ZFYVE26: variants seen among roughly 807,000 people sequenced by gnomAD.
The protein encoded by ZFYVE26 is zinc finger FYVE domain-containing protein 26.
In ZFYVE26, 181 loss-of-function variants were observed where a neutral mutation model predicts 276.5. That is an observed-to-expected ratio of 0.65 (90% CI 0.58 to 0.74). The LOEUF (loss-of-function observed/expected upper bound fraction) is 0.74, where lower values mean the gene tolerates loss of function less well. Among genes scored for constraint, ZFYVE26 ranks in the 30% least tolerant of loss-of-function variants. ZFYVE26 has a pLI of 0.00. For missense variants in ZFYVE26, 2,821 were observed against 3,097.9 expected, an observed-to-expected ratio of 0.91 and a Z score of 2.12; for synonymous variants, 1,129 against 1,203.1, an observed-to-expected ratio of 0.94 and a Z score of 1.27.
chr14:67,753,002 G>T (rs1197660580), intron 39 of ZFYVE26, among the ~76,000 whole-genome samples: 1 of 152,140 alleles, frequency 6.6e-6, no homozygotes, highest in Non-Finnish European at 1.5e-5. Context: ...ACAGGGCCTG[G>T]GTGGAGCTGC....
Position 67,798,097 on chromosome 14 carries a change from A to G in ZFYVE26, c.2165T>C (p.Leu722Pro), listed in dbSNP as rs753467560. 1 of 1,614,188 alleles carries G rather than the reference A, an allele frequency of 6.2e-7. No homozygotes were observed. The highest frequency in any genetic ancestry group is 1.3e-5 in the African/African-American group (1 of 75,038). The change falls in exon 11 of 42, where the codon CTG (leucine) becomes CCG (proline). Residue 722 changes from leucine to proline, a missense_variant. Leu to Pro is a moderately conservative substitution (Grantham distance 98, BLOSUM62 -3). Transcript: ENST00000347230. ...SQSCSGSRDGLQSRLHRLSKV... is the reference protein window; with the variant it reads ...SQSCSGSRDGPQSRLHRLSKV... ...GGAAAGTCGATGCAGGCGGCTCTGC[A>G]GTCCATCTCTGCTTCCTGAGCAGCT...
intron 6 of ZFYVE26, among the ~76,000 whole-genome samples, chr14:67,806,017 C>T (rs1347188578): frequency 6.6e-6 from 1 of 152,158 alleles, no homozygotes; most frequent in African/African-American, 2.4e-5. Context: ...ACGAGGGAAA[C>T]TCTGTCTCAA....
intron 8 of ZFYVE26, 51 bp from the exon 9 acceptor site, chr14:67,804,315 C>A: frequency 6.3e-7 from 1 of 1,597,532 alleles, no homozygotes; most frequent in Non-Finnish European, 8.6e-7. Flanking sequence ...TATTATTGCT[C>A]GAAGAAAGAT....
intron 35 of ZFYVE26, among the ~76,000 whole-genome samples, chr14:67,760,049 C>T (rs1031346712): frequency 6.6e-6 from 1 of 152,164 alleles, no homozygotes; most frequent in Non-Finnish European, 1.5e-5. Context: ...AAAAAGAAGG[C>T]TTATTTCCTA....
Position 67,762,257 on chromosome 14 carries a change from C to G in ZFYVE26, c.6315G>C (p.Leu2105=), listed in dbSNP as rs750520926. ...CTAGGTACTCAACCACATCCTGCAC[C>G]AGCCTTGAGCCATGATTCAGCTGAT... ...DLNQLNHGSR[L]VQDVVEYLES... is the part of the protein sequence containing the mutation. Residue 2105 remains leucine (L), a synonymous_variant, in exon 34 of 42, where the codon CTG becomes CTC. Coordinates refer to ENST00000347230, the MANE Select transcript of ZFYVE26 (RefSeq NM_015346.4). 1 of 1,614,158 alleles carries G rather than the reference C, an allele frequency of 6.2e-7. No individual in the cohort carries two copies. Among genetic ancestry groups the G allele is most frequent in the South Asian group, 1.1e-5 (1 of 91,090 alleles).
Position 67,767,747 on chromosome 14 carries a change from T to G in ZFYVE26, c.5747A>C (p.Glu1916Ala). Residue 1916 changes from glutamate to alanine, a missense_variant, in exon 31 of 42, where the codon GAG becomes GCG. Physicochemically the swap from Glu to Ala is moderately radical, Grantham distance 107 (BLOSUM62 -1). Coordinates refer to ENST00000347230, the MANE Select transcript of ZFYVE26 (RefSeq NM_015346.4). ...DEVEWILDLK[E>A]EENELVRSEF... ...ACTCCGCACCAGCTCATTTTCCTCC[T>G]CTTTGAGATCCAAAATCCATTCCAC... is the stretch of plus-strand genomic sequence containing the variant. 6.2e-7 allele frequency: 1 copy of G among 1,614,196 alleles called. No individual in the cohort carries two copies. Among genetic ancestry groups the G allele is most frequent in the Admixed American group, 1.7e-5 (1 of 60,020 alleles).
chr14:67,800,477 T>A (rs1566894256), intron 10 of ZFYVE26, among the ~76,000 whole-genome samples: 1 of 152,142 alleles, frequency 6.6e-6, no homozygotes, highest in Non-Finnish European at 1.5e-5. Context: ...TATGTCCAGT[T>A]TTTTGGTTAA....
At position 67,766,339 on chromosome 14, in the gene ZFYVE26, T is replaced by C. The variant is rs1167012323; in HGVS notation, c.5899A>G (p.Asn1967Asp). 1 of 1,613,266 alleles carries C rather than the reference T, an allele frequency of 6.2e-7. No individual in the cohort carries two copies. The highest frequency in any genetic ancestry group is 1.3e-5 in the African/African-American group (1 of 74,896). ...HCCRLSKGLT[N>D]PEVDAGLLTD... ...AGCAGCCCGGCATCCACCTCTGGGT[T>C]GGTGAGGCCCTTGGAGAGCCTGCAG... Residue 1967 changes from asparagine to aspartate, a missense_variant, in exon 32 of 42, where the codon AAC (asparagine) becomes GAC (aspartate). Coordinates refer to ENST00000347230, the MANE Select transcript of ZFYVE26 (RefSeq NM_015346.4).
At chr14:67,730,526 G>A (rs1459460227) in intron 13 of ZFYVE26, among the ~76,000 whole-genome samples, 1 of 152,152 alleles carries the variant, frequency 6.6e-6, no homozygotes, top group Non-Finnish European at 1.5e-5. Context: ...GATTTTTGGG[G>A]TTTGAGATGC....
In ZFYVE26 at chr14:67,809,426, T is replaced by TA. The variant is rs1358983127; in HGVS notation, c.274-138_274-137insT. 315 of 589,194 alleles carry TA rather than the reference T, an allele frequency of 5.3e-4. 1 individual carries two copies. The African/African-American group carries it at 5.4e-3, about 10-fold the overall frequency. 36.5% of individuals were successfully genotyped at this position (589,194 alleles called of 1,614,324 possible). ...AAGCACTCTTTTTTTTTTTTTTTTT[T>TA]TTTTTTTTTATTTTGAGACAGAGTC... On this transcript the variant is annotated intron_variant, in intron 3 of 41. Transcript: ENST00000347230.
intron 16 of ZFYVE26, 114 bp downstream of exon 16, chr14:67,789,221 C>A: frequency 7.0e-7 from 1 of 1,432,212 alleles, no homozygotes; most frequent in Non-Finnish European, 9.7e-7. Flanking sequence ...ATTTCATAAT[C>A]CATTCACCAT....
In ZFYVE26 at chr14:67,779,066, T is replaced by C. The variant is rs751272495; in HGVS notation, c.4675-818A>G. The stretch of plus-strand genomic sequence containing the variant: ...CACAGTGATTGGCAAATAATAGGCA[T>C]GCAATAAGTACTTCCTGAATGAACG... On this transcript the variant is annotated intron_variant, in intron 23 of 41. Transcript: ENST00000347230. Among the ~76,000 whole-genome samples, 103 of 152,210 alleles carry C rather than the reference T, an allele frequency of 6.8e-4. 1 individual carries two copies. The highest frequency in any genetic ancestry group is 1.1e-3 in the Non-Finnish European group (75 of 68,038).
rs2039555633 is a variant in ZFYVE26, at chr14:67,783,271, T to C, written c.3881A>G (p.Asp1294Gly). 3 of 1,613,658 alleles carry C rather than the reference T, an allele frequency of 1.9e-6. No homozygotes were observed. The highest frequency in any genetic ancestry group is 2.5e-6 in the Non-Finnish European group (3 of 1,179,726). ...LERKPYSSPRDSSLPALTSSA... is the reference protein window; with the variant it reads ...LERKPYSSPRGSSLPALTSSA... ...GGAGGTGAGGGCTGGGAGTGATGAG[T>C]CCCTTGGGGAGGAGTAGGGCTTTCT... is the stretch of plus-strand genomic sequence containing the variant. The change falls in exon 21 of 42, where the codon GAC becomes GGC. Residue 1294 changes from aspartate (D) to glycine (G), a missense_variant. Physicochemically the swap from Asp to Gly is moderately conservative, Grantham distance 94 (BLOSUM62 -1). Transcript: ENST00000347230.
intron 6 of ZFYVE26, 100 bp downstream of exon 6, chr14:67,806,445 T>A (rs1376926928): frequency 4.7e-6 from 7 of 1,487,124 alleles, no homozygotes; most frequent in Non-Finnish European, 6.5e-6. Flanking sequence ...CTAATTAGAC[T>A]GCTTTATGGT....
intron 21 of ZFYVE26, among the ~76,000 whole-genome samples, chr14:67,782,242 G>A (rs1393403684): frequency 2.0e-5 from 3 of 152,136 alleles, no homozygotes; most frequent in Non-Finnish European, 4.4e-5. Flanking sequence ...AGAATTTCCT[G>A]GGGAGCTTTC....
At position 67,790,448 on chromosome 14, in the gene ZFYVE26, G is replaced by C. The variant is rs2039780080; in HGVS notation, c.2755+124C>G. 2.2e-5 allele frequency: 23 copies of C among 1,060,414 alleles called. No individual in the cohort carries two copies. The South Asian group carries it at 2.8e-4, about 13-fold the overall frequency. 65.7% of individuals were successfully genotyped at this position (1,060,414 alleles called of 1,614,324 possible). A position where few individuals can be genotyped will look rare whatever the true frequency, so the allele number is the denominator to read the frequency against. On this transcript the variant is annotated intron_variant, in intron 15 of 41. Coordinates refer to ENST00000347230, the MANE Select transcript of ZFYVE26 (RefSeq NM_015346.4). ...ACGTATCAGGTTTGCTGTTTTTCAA[G>C]GCAGGTGTCCTGTATTTAATTTCTG...
At chr14:67,732,129 A>T (rs1478529563) in intron 13 of ZFYVE26, among the ~76,000 whole-genome samples, 2 of 118,196 alleles carry the variant, frequency 1.7e-5, no homozygotes, top group African/African-American at 3.0e-5. Context: ...TCTGTCTCAA[A>T]AAAAAAAAAA....
chr14:67,730,010 G>A (rs1365240969), intron 13 of ZFYVE26, among the ~76,000 whole-genome samples: 1 of 152,208 alleles, frequency 6.6e-6, no homozygotes, highest in East Asian at 1.9e-4. Context: ...ATTCCGTGAA[G>A]CACTGGAAAT....
At chr14:67,772,421 T>C (rs1476583025) in intron 27 of ZFYVE26, among the ~76,000 whole-genome samples, 2 of 152,248 alleles carry the variant, frequency 1.3e-5, no homozygotes, top group South Asian at 2.1e-4. Context: ...CTATCAAGTA[T>C]ACTTACTAAA....
Sources: gnomAD v4.1 joint callset for allele counts (sites outside exome capture counted in the v4.1 genomes callset) on GRCh38, gnomAD v4.1.1 for gene constraint, MANE v1.5 for transcripts, NCBI Gene and HGNC (gene_info 2026-07-23, HGNC 2026-07-21) for gene names.